ITGA9: variants seen among roughly 807,000 people sequenced by gnomAD.
ITGA9 encodes integrin alpha-9.
In ITGA9, 56 loss-of-function variants were observed where a neutral mutation model predicts 127.8. The observed-to-expected ratio is 0.44, with a 90% CI of 0.35 to 0.55. The LOEUF (loss-of-function observed/expected upper bound fraction) is 0.55. ITGA9 is among the 20% of genes least tolerant of loss of function. The pLI is 0.00. For missense variants in ITGA9, 1,196 were observed against 1,347.1 expected (o/e 0.89, Z 1.76); for synonymous variants, 508 against 514.5 (o/e 0.99, Z 0.17).
At chr3:37,602,215 TG>T (rs10718194) in intron 15 of ITGA9, among the ~76,000 whole-genome samples, 18,385 of 152,208 alleles carry the variant, frequency 0.12, 1,604 homozygotes, top group Admixed American at 0.27. Flanking sequence ...TCAAAATTGA[TG>T]GCTTTATTTT....
rs1044710325 is a variant in ITGA9 at position 37,822,928 on chromosome 3, C to G, written c.*3939C>G. 1 of 152,148 alleles carries G rather than the reference C, an allele frequency of 6.6e-6. No homozygotes were observed. Among genetic ancestry groups the G allele is most frequent in the Non-Finnish European group, 1.5e-5 (1 of 68,030 alleles). The allele number at this position is 152,148 out of a possible 1,614,324, so 9.4% of individuals were successfully genotyped here. ...GCTGGAAAGGATTGTCACTTGGAGC[C>G]TTTAGTAGACAAAAGGCAGAAAGTG... On this transcript the variant is annotated 3_prime_UTR_variant, in exon 28 of 28. Coordinates refer to ENST00000264741, the MANE Select transcript of ITGA9 (RefSeq NM_002207.3).
intron 18 of ITGA9, among the ~76,000 whole-genome samples, chr3:37,713,061 T>G (rs1292431279): frequency 6.6e-6 from 1 of 152,222 alleles, no homozygotes; most frequent in African/African-American, 2.4e-5. Flanking sequence ...TCCTTGGTCC[T>G]GAGTGCTCTG....
intron 14 of ITGA9, among the ~76,000 whole-genome samples, chr3:37,533,682 T>A (rs1176247360): frequency 2.6e-5 from 4 of 152,182 alleles, no homozygotes; most frequent in Non-Finnish European, 1.5e-5. Flanking sequence ...CTAGGACAAA[T>A]AATGTTGGAC....
chr3:37,760,276 A>AC (rs1291034008), intron 23 of ITGA9, among the ~76,000 whole-genome samples: 2 of 152,104 alleles, frequency 1.3e-5, no homozygotes, highest in African/African-American at 4.8e-5. Context: ...TTAATTAAAA[A>AC]AAAAAAAAGC....
chr3:37,554,822 G>A (rs1352332378), intron 15 of ITGA9, among the ~76,000 whole-genome samples: 2 of 152,192 alleles, frequency 1.3e-5, no homozygotes, highest in Non-Finnish European at 2.9e-5. Flanking sequence ...AACGGAAGGT[G>A]CAGGTGAGCA....
chr3:37,817,116 G>C (rs929928963), intron 27 of ITGA9, among the ~76,000 whole-genome samples: 1 of 152,218 alleles, frequency 6.6e-6, no homozygotes, highest in Non-Finnish European at 1.5e-5. Context: ...ATGCTTCCCT[G>C]GATGTTTGGC....
chr3:37,601,839 G>C (rs1257595560), intron 15 of ITGA9, among the ~76,000 whole-genome samples: 1 of 152,186 alleles, frequency 6.6e-6, no homozygotes, highest in Non-Finnish European at 1.5e-5. Context: ...TGTGTATTCG[G>C]CTCATGGTTC....
intron 15 of ITGA9, among the ~76,000 whole-genome samples, chr3:37,552,821 C>T (rs748264183): frequency 5.3e-5 from 8 of 152,050 alleles, no homozygotes; most frequent in African/African-American, 1.9e-4. Flanking sequence ...TCAAGACCAG[C>T]CTGGCCAACA....
At chr3:37,605,769 T>TA (rs1374372468) in intron 15 of ITGA9, among the ~76,000 whole-genome samples, 1 of 152,210 alleles carries the variant, frequency 6.6e-6, no homozygotes, top group African/African-American at 2.4e-5. Context: ...AGTCCGAGAC[T>TA]AAAAAGATGC....
At chr3:37,790,578 G>T in intron 26 of ITGA9, 1 of 226,234 alleles carries the variant, frequency 4.4e-6, no homozygotes, top group Non-Finnish European at 8.8e-6. Flanking sequence ...GGTACAAGTT[G>T]TGCTTTACAG....
chr3:37,570,395 T>G (rs1699589106), intron 15 of ITGA9, among the ~76,000 whole-genome samples: 1 of 152,152 alleles, frequency 6.6e-6, no homozygotes, highest in South Asian at 2.1e-4. Context: ...TGGGACCAGG[T>G]TGTCTTATAG....
chr3:37,637,375 A>G (rs1269372932), intron 16 of ITGA9, among the ~76,000 whole-genome samples: 1 of 151,918 alleles, frequency 6.6e-6, no homozygotes, highest in Non-Finnish European at 1.5e-5. Flanking sequence ...ATTCCTAGGT[A>G]TTTTATTCTC....
chr3:37,565,589 A>G (rs1247680203), intron 15 of ITGA9, among the ~76,000 whole-genome samples: 3 of 152,220 alleles, frequency 2.0e-5, no homozygotes, highest in African/African-American at 7.2e-5. Flanking sequence ...CAGGTGCGGA[A>G]GATGAAAGGT....
At chr3:37,488,376 C>A (rs1020898440) in intron 4 of ITGA9, among the ~76,000 whole-genome samples, 1 of 151,874 alleles carries the variant, frequency 6.6e-6, no homozygotes, top group African/African-American at 2.4e-5. Context: ...AGTTGCATGT[C>A]TATATATACA....
intron 16 of ITGA9, among the ~76,000 whole-genome samples, chr3:37,646,064 G>T (rs764077135): frequency 8.5e-5 from 13 of 152,210 alleles, no homozygotes; most frequent in Non-Finnish European, 1.3e-4. Flanking sequence ...ACTTGAGCTG[G>T]ATTCATTGAA....
At chr3:37,809,326 T>A (rs1457440405) in intron 27 of ITGA9, among the ~76,000 whole-genome samples, 1 of 152,158 alleles carries the variant, frequency 6.6e-6, no homozygotes, top group Non-Finnish European at 1.5e-5. Context: ...CCTCAAGCGA[T>A]CTGCCTGCCT....
intron 26 of ITGA9, among the ~76,000 whole-genome samples, chr3:37,798,818 C>T (rs1697203831): frequency 1.3e-5 from 2 of 152,136 alleles, no homozygotes; most frequent in African/African-American, 4.8e-5. Flanking sequence ...TTAAAACTAG[C>T]TTTGCCACCC....
At chr3:37,743,236 TCTG>T (rs1559584962) in intron 21 of ITGA9, among the ~76,000 whole-genome samples, 1 of 152,246 alleles carries the variant, frequency 6.6e-6, no homozygotes, top group Non-Finnish European at 1.5e-5. Flanking sequence ...GTCTCAAAAA[TCTG>T]CCATTGTTGT....
chr3:37,630,819 G>A (rs916239897), intron 16 of ITGA9, among the ~76,000 whole-genome samples: 12 of 152,176 alleles, frequency 7.9e-5, no homozygotes, highest in African/African-American at 2.7e-4. Context: ...TTGATACTTG[G>A]AACAGGCCCT....
Sources: allele counts gnomAD v4.1 joint callset (sites outside exome capture counted in the v4.1 genomes callset), GRCh38; gene constraint gnomAD v4.1.1; transcripts MANE v1.5; gene names NCBI Gene and HGNC (gene_info 2026-07-23, HGNC 2026-07-21).